Variants in QTMAN observed in about 807,000 individuals in gnomAD.
The protein encoded by QTMAN is tRNA-queuosine alpha-mannosyltransferase.
At chr2:144,315,771 A>C in the QTMAN span, among the ~76,000 whole-genome samples, 1 of 152,178 alleles carries the variant, frequency 6.6e-6, no homozygotes, top group South Asian at 2.1e-4. Context: ...AACAATTAGA[A>C]AAGTATTTTT....
the QTMAN span, chr2:144,128,347 G>C: frequency 6.6e-6 from 1 of 151,990 alleles, no homozygotes; most frequent in African/African-American, 2.4e-5. Context: ...TACGCTATCA[G>C]CAAGTGGAGT....
chr2:144,024,553 A>C, the QTMAN span, among the ~76,000 whole-genome samples: 2 of 152,246 alleles, frequency 1.3e-5, no homozygotes, highest in Admixed American at 6.5e-5. Context: ...GAATATAAAA[A>C]GTATAAACAG....
chr2:144,069,375 A>C, the QTMAN span, among the ~76,000 whole-genome samples: 2 of 152,082 alleles, frequency 1.3e-5, no homozygotes, highest in Non-Finnish European at 2.9e-5. Flanking sequence ...TATTTTCTGA[A>C]ATAAATACAT....
the QTMAN span, among the ~76,000 whole-genome samples, chr2:144,290,979 G>A: frequency 6.6e-6 from 1 of 152,156 alleles, no homozygotes. Flanking sequence ...CAAGGTGTCG[G>A]CAGGGTTGAT....
At chr2:144,194,402 G>A in the QTMAN span, among the ~76,000 whole-genome samples, 9 of 152,178 alleles carry the variant, frequency 5.9e-5, no homozygotes, top group African/African-American at 1.7e-4. Flanking sequence ...CCCTTTCCTC[G>A]TCCCTCTGGG....
At chr2:144,103,278 A>G in the QTMAN span, among the ~76,000 whole-genome samples, 3 of 152,352 alleles carry the variant, frequency 2.0e-5, no homozygotes, top group East Asian at 3.9e-4. Context: ...ATACAATGCT[A>G]TGTAAAACTG....
At chr2:144,177,115 C>A in the QTMAN span, 1 of 700,238 alleles carries the variant, frequency 1.4e-6, no homozygotes, top group South Asian at 1.5e-5. Context: ...ATGATCCAAT[C>A]ACCTCCCACC....
At chr2:143,979,391 G>A in the QTMAN span, among the ~76,000 whole-genome samples, 1 of 152,118 alleles carries the variant, frequency 6.6e-6, no homozygotes, top group African/African-American at 2.4e-5. Context: ...ACAGCTGCAC[G>A]TGAATCTATA....
the QTMAN span, among the ~76,000 whole-genome samples, chr2:144,293,320 T>C: frequency 5.9e-5 from 9 of 152,326 alleles, no homozygotes; most frequent in Middle Eastern, 3.4e-3. Context: ...TTCCAATTTG[T>C]CTAATATACA....
At chr2:143,950,254 G>C in the QTMAN span, among the ~76,000 whole-genome samples, 1 of 151,588 alleles carries the variant, frequency 6.6e-6, no homozygotes, top group African/African-American at 2.4e-5. Context: ...TAAGATATAG[G>C]TTATCATTTA....
At chr2:144,263,596 C>T in the QTMAN span, among the ~76,000 whole-genome samples, 6 of 152,104 alleles carry the variant, frequency 3.9e-5, no homozygotes, top group East Asian at 1.9e-4. Flanking sequence ...TGATGGCAGA[C>T]GCCTGTAATC....
At chr2:144,215,646 T>C in the QTMAN span, among the ~76,000 whole-genome samples, 1 of 152,216 alleles carries the variant, frequency 6.6e-6, no homozygotes. Context: ...ATTCCATGAA[T>C]GATTTCAAAC....
At chr2:144,314,833 T>C in the QTMAN span, among the ~76,000 whole-genome samples, 1 of 152,190 alleles carries the variant, frequency 6.6e-6, no homozygotes, top group Non-Finnish European at 1.5e-5. Context: ...CACTTAAAAA[T>C]TGGTTCACTT....
the QTMAN span, among the ~76,000 whole-genome samples, chr2:144,282,123 C>T: frequency 1.3e-5 from 2 of 152,134 alleles, no homozygotes; most frequent in Admixed American, 6.5e-5. Context: ...TGGTTTAATG[C>T]TCTGCTGTCA....
the QTMAN span, among the ~76,000 whole-genome samples, chr2:143,974,554 C>T: frequency 6.6e-6 from 1 of 152,060 alleles, no homozygotes; most frequent in Non-Finnish European, 1.5e-5. Flanking sequence ...TCAAGAAATA[C>T]TGTAAAGTAA....
the QTMAN span, among the ~76,000 whole-genome samples, chr2:144,061,156 C>T: frequency 6.6e-6 from 1 of 152,036 alleles, no homozygotes; most frequent in South Asian, 2.1e-4. Context: ...CCTGAAAAAA[C>T]AGGACCAAAA....
the QTMAN span, among the ~76,000 whole-genome samples, chr2:144,085,338 T>C: frequency 2.0e-5 from 3 of 152,346 alleles, no homozygotes; most frequent in East Asian, 1.9e-4. Context: ...ATAAGATTCA[T>C]TGGTACTGGA....
chr2:144,035,923 G>A, the QTMAN span, among the ~76,000 whole-genome samples: 6 of 152,110 alleles, frequency 3.9e-5, no homozygotes, highest in African/African-American at 1.4e-4. Context: ...AAAGCAAACA[G>A]GGCACCCTAA....
At chr2:144,175,054 C>T in the QTMAN span, among the ~76,000 whole-genome samples, 10 of 152,022 alleles carry the variant, frequency 6.6e-5, no homozygotes, top group African/African-American at 2.4e-4. Flanking sequence ...AGTAGACTTA[C>T]CTATGGCATT....
Sources: gnomAD v4.1 joint callset for allele counts (sites outside exome capture counted in the v4.1 genomes callset) on GRCh38, gnomAD v4.1.1 for gene constraint, MANE v1.5 for transcripts, NCBI Gene and HGNC (gene_info 2026-07-23, HGNC 2026-07-21) for gene names.